TAFA1: variants seen among roughly 807,000 people sequenced by gnomAD.
TAFA1 encodes the protein chemokine-like protein TAFA-1.
TAFA1 carries 4 observed loss-of-function variants against 18.5 expected under a neutral mutation model. The observed-to-expected ratio is 0.22, with a 90% CI of 0.11 to 0.49. TAFA1 has a LOEUF of 0.49. Among genes scored for constraint, TAFA1 ranks in the 20% least tolerant of loss-of-function variants. The pLI is 0.98. For synonymous variants in TAFA1, 56 were observed against 55.2 expected (o/e 1.01, Z -0.06); for missense variants, 147 against 169.0 (o/e 0.87, Z 0.72).
At chr3:68,045,863 G>A (rs760624888) in intron 2 of TAFA1, among the ~76,000 whole-genome samples, 1 of 152,106 alleles carries the variant, frequency 6.6e-6, no homozygotes, top group Non-Finnish European at 1.5e-5. Flanking sequence ...TTAGGCTGAG[G>A]ACACTTTGTA....
At chr3:68,149,913 G>C (rs541620254) in intron 2 of TAFA1, among the ~76,000 whole-genome samples, 13 of 152,210 alleles carry the variant, frequency 8.5e-5, no homozygotes, top group Admixed American at 1.3e-4. Flanking sequence ...ATGGAGCTGG[G>C]GGCTGGGTTG....
At chr3:68,495,566 T>A (rs1020820429) in intron 3 of TAFA1, among the ~76,000 whole-genome samples, 2 of 152,068 alleles carry the variant, frequency 1.3e-5, no homozygotes, top group African/African-American at 2.4e-5. Flanking sequence ...TAAGTGTACG[T>A]TTCATTGATT....
intron 3 of TAFA1, among the ~76,000 whole-genome samples, chr3:68,437,019 G>A (rs911720521): frequency 6.7e-5 from 10 of 148,716 alleles, no homozygotes; most frequent in East Asian, 6.7e-4. Context: ...ATCCCACACA[G>A]CAATGTAAAC....
chr3:68,366,760 G>T (rs1254850684), intron 2 of TAFA1, among the ~76,000 whole-genome samples: 1 of 152,078 alleles, frequency 6.6e-6, no homozygotes, highest in Non-Finnish European at 1.5e-5. Flanking sequence ...AGGTTTTGTG[G>T]GTTTTAAATG....
intron 2 of TAFA1, among the ~76,000 whole-genome samples, chr3:68,365,555 A>G (rs1296404256): frequency 6.6e-6 from 1 of 152,190 alleles, no homozygotes; most frequent in Non-Finnish European, 1.5e-5. Flanking sequence ...CAAAAAATCA[A>G]GGATGTGAGT....
chr3:68,025,307 C>A (rs1704791162), intron 2 of TAFA1, among the ~76,000 whole-genome samples: 1 of 152,150 alleles, frequency 6.6e-6, no homozygotes, highest in East Asian at 1.9e-4. Flanking sequence ...CCAACCACTT[C>A]CCACCACCTC....
chr3:68,050,849 T>G (rs2106702049), intron 2 of TAFA1, among the ~76,000 whole-genome samples: 2 of 152,140 alleles, frequency 1.3e-5, no homozygotes, highest in Middle Eastern at 3.4e-3. Flanking sequence ...AATGAATGGT[T>G]GTGGCTGCTT....
At chr3:68,044,310 C>A (rs1291472884) in intron 2 of TAFA1, among the ~76,000 whole-genome samples, 1 of 152,120 alleles carries the variant, frequency 6.6e-6, no homozygotes, top group African/African-American at 2.4e-5. Flanking sequence ...GACTTTTGTT[C>A]TTTTATGGTT....
chr3:68,410,705 CAAAAAAAAAAAAAAAAAAA>C (rs34714719), intron 2 of TAFA1, among the ~76,000 whole-genome samples: 10 of 36,662 alleles, frequency 2.7e-4, no homozygotes, highest in African/African-American at 8.5e-4. Context: ...TTTCCATAAG[CAAAAAAAAAAAAAAAAAAA>C]AAAAAAAAAG....
At chr3:68,417,562 G>T in intron 3 of TAFA1, 142 bp downstream of exon 3, 1 of 768,226 alleles carries the variant, frequency 1.3e-6, no homozygotes, top group Admixed American at 2.6e-5. Flanking sequence ...GCCAGCCTCA[G>T]CAGAGTTTGA....
intron 3 of TAFA1, among the ~76,000 whole-genome samples, chr3:68,454,037 C>G (rs573696114): frequency 1.3e-5 from 2 of 152,130 alleles, no homozygotes; most frequent in Non-Finnish European, 2.9e-5. Flanking sequence ...TGTTCTGTAC[C>G]AATGGGGCAC....
rs1056123889 is a variant in TAFA1, at chr3:68,474,059, C to T, written c.259+56639C>T. Among the ~76,000 whole-genome samples, 25 of 142,696 alleles carry T rather than the reference C, an allele frequency of 1.8e-4. 1 individual carries two copies. In the East Asian group the frequency reaches 4.4e-3, roughly 25 times the overall value. 93.6% of individuals were successfully genotyped at this position (142,696 alleles called of 152,430 possible). ...GCAAGAAAATGTATCACCCCCCCCC[C>T]CAAGTAAATAAAAAGCCAAGCTATC... On this transcript the variant is annotated intron_variant, in intron 3 of 4. Transcript: ENST00000478136.
intron 3 of TAFA1, among the ~76,000 whole-genome samples, chr3:68,476,605 G>A (rs1481306334): frequency 1.3e-5 from 2 of 152,110 alleles, no homozygotes; most frequent in African/African-American, 4.8e-5. Flanking sequence ...ACTTAAGGTG[G>A]CTTCATAGAT....
chr3:68,083,729 T>G (rs1344028806), intron 2 of TAFA1, among the ~76,000 whole-genome samples: 1 of 152,208 alleles, frequency 6.6e-6, no homozygotes. Flanking sequence ...TTCTTGGTCT[T>G]GACTTCTTCT....
rs184371882 is a variant in TAFA1, at chr3:68,490,157, T to C, written c.260-48599T>C. Among the ~76,000 whole-genome samples the C allele has an allele frequency of 3.3e-5, 5 of 152,356 alleles. No individual in the cohort carries two copies. The East Asian group carries it at 9.6e-4, about 29-fold the overall frequency. On this transcript the variant is annotated intron_variant, in intron 3 of 4. Coordinates refer to ENST00000478136, the MANE Select transcript of TAFA1 (RefSeq NM_213609.4). ...TGGACTTTTCTGATGTTATTGGTAA[T>C]GATATTTAAAAACCACTACTTTTAT...
At chr3:68,242,100 A>G (rs2067007399) in intron 2 of TAFA1, among the ~76,000 whole-genome samples, 1 of 152,148 alleles carries the variant, frequency 6.6e-6, no homozygotes, top group Admixed American at 6.5e-5. Context: ...TACTAGCAAG[A>G]TGCATATACT....
intron 2 of TAFA1, among the ~76,000 whole-genome samples, chr3:68,118,167 G>A (rs1272828680): frequency 6.6e-6 from 1 of 152,052 alleles, no homozygotes; most frequent in Non-Finnish European, 1.5e-5. Flanking sequence ...AGAATCAGTG[G>A]GAGCCCTGAG....
intron 2 of TAFA1, among the ~76,000 whole-genome samples, chr3:68,297,545 C>T (rs892882343): frequency 2.1e-4 from 32 of 152,294 alleles, no homozygotes; most frequent in African/African-American, 7.7e-4. Context: ...GCTAGTGATT[C>T]TGATGGGCAA....
chr3:68,345,916 C>A (rs562065694), intron 2 of TAFA1, among the ~76,000 whole-genome samples: 1 of 151,956 alleles, frequency 6.6e-6, no homozygotes, highest in Non-Finnish European at 1.5e-5. Flanking sequence ...AAAGATTGGC[C>A]GGAGAGAGAA....
Sources: allele counts gnomAD v4.1 joint callset (sites outside exome capture counted in the v4.1 genomes callset), GRCh38; gene constraint gnomAD v4.1.1; transcripts MANE v1.5; gene names NCBI Gene and HGNC (gene_info 2026-07-23, HGNC 2026-07-21).